The following SRGAP1 variants were observed in gnomAD, a reference collection of about 807,000 sequenced individuals.
SRGAP1 encodes SLIT-ROBO Rho GTPase-activating protein 1.
In SRGAP1, 43 loss-of-function variants were observed where a neutral mutation model predicts 121.9. The observed-to-expected ratio is 0.35, with a 90% CI of 0.28 to 0.46. The LOEUF (loss-of-function observed/expected upper bound fraction) is 0.46, where lower values mean the gene tolerates loss of function less well. SRGAP1 is among the 20% of genes least tolerant of loss of function. SRGAP1 has a pLI of 1.00. For missense variants in SRGAP1, 1,102 were observed against 1,350.9 expected (o/e 0.82, Z 2.89); for synonymous variants, 447 against 485.4 (o/e 0.92, Z 1.04).
chr12:63,926,930 A>G (rs922274952), intron 1 of SRGAP1, among the ~76,000 whole-genome samples: 1 of 152,104 alleles, frequency 6.6e-6, no homozygotes, highest in Non-Finnish European at 1.5e-5. Context: ...TGTCGATAAT[A>G]TTGAAATTAT....
intron 1 of SRGAP1, among the ~76,000 whole-genome samples, chr12:63,894,622 C>G (rs1394052209): frequency 6.6e-6 from 1 of 152,130 alleles, no homozygotes; most frequent in African/African-American, 2.4e-5. Context: ...TCCCTCCCCA[C>G]TTCCCCACCC....
At chr12:64,091,181 A>C (rs2036043918) in intron 11 of SRGAP1, 95 bp from the exon 12 acceptor site, 1 of 785,666 alleles carries the variant, frequency 1.3e-6, no homozygotes, top group Non-Finnish European at 1.8e-6. Context: ...AAGGAACCCA[A>C]GATTCCCGTG....
chr12:64,133,039 T>G (rs376628351), intron 21 of SRGAP1, among the ~76,000 whole-genome samples: 8 of 152,154 alleles, frequency 5.3e-5, no homozygotes, highest in East Asian at 3.9e-4. Context: ...CACCACTTGG[T>G]TAAGCTTACA....
chr12:64,147,614 T>C lies in SRGAP1; in HGVS notation c.*4942T>C, dbSNP rs1272718043. ...GACAGCATCGCATTCGCCCGTGCTC[T>C]GTACTGCCTCTCACCATTTCATTCC... On this transcript the variant is annotated 3_prime_UTR_variant, in exon 22 of 22. Transcript: ENST00000355086. The C allele has an allele frequency of 2.5e-6, 1 of 398,674 alleles. No homozygotes were observed. Among genetic ancestry groups the C allele is most frequent in the Non-Finnish European group, 4.4e-6 (1 of 226,124 alleles). 24.7% of individuals were successfully genotyped at this position (398,674 alleles called of 1,614,324 possible).
intron 4 of SRGAP1, among the ~76,000 whole-genome samples, chr12:64,020,961 A>AAAT (rs2034535550): frequency 6.6e-6 from 1 of 151,762 alleles, no homozygotes; most frequent in East Asian, 1.9e-4. Context: ...AAAAAAAAAA[A>AAAT]AGACCAAAGA....
rs565487703 is a variant in SRGAP1 at position 63,959,693 on chromosome 12, G to A, written c.68-24254G>A. Among the ~76,000 whole-genome samples, 84 of 107,696 alleles carry A rather than the reference G, an allele frequency of 7.8e-4. 1 individual carries two copies. The highest frequency in any genetic ancestry group is 1.8e-3 in the African/African-American group (49 of 27,982). 70.7% of individuals were successfully genotyped at this position (107,696 alleles called of 152,430 possible). On this transcript the variant is annotated intron_variant, in intron 1 of 21. Coordinates refer to ENST00000355086, the MANE Select transcript of SRGAP1 (RefSeq NM_020762.4). Reference sequence around the variant, plus strand: ...AAGTCTTCCAGTTAATAATAATTACGTTTATTGAAGATCTACACTGTATTG... The same window carrying A: ...AAGTCTTCCAGTTAATAATAATTACATTTATTGAAGATCTACACTGTATTG...
At chr12:63,918,529 A>G (rs1185334266) in intron 1 of SRGAP1, among the ~76,000 whole-genome samples, 1 of 152,054 alleles carries the variant, frequency 6.6e-6, no homozygotes, top group Non-Finnish European at 1.5e-5. Context: ...TGACCCTCCC[A>G]CATCAGTCTC....
Position 64,154,766 on chromosome 12 carries a change from A to C in SRGAP1, c.*12094A>C, listed in dbSNP as rs957273466. ...TTTCTGGCCAGAAGGTGTAAATTTG[A>C]TATTTAAAGCTATGGGACTCCCGGA... On this transcript the variant is annotated 3_prime_UTR_variant, in exon 22 of 22. Transcript: ENST00000355086. 5.9e-5 allele frequency: 9 copies of C among 152,174 alleles called. No homozygotes were observed. Among genetic ancestry groups the C allele is most frequent in the Non-Finnish European group, 1.0e-4 (7 of 68,090 alleles). 9.4% of individuals were successfully genotyped at this position (152,174 alleles called of 1,614,324 possible). A position where few individuals can be genotyped will look rare whatever the true frequency, so the allele number is the denominator to read the frequency against.
At chr12:64,032,616 C>A in intron 4 of SRGAP1, 1 of 479,612 alleles carries the variant, frequency 2.1e-6, no homozygotes, top group South Asian at 3.2e-5. Context: ...AACAAGCCCC[C>A]ACAGTCACTT....
intron 1 of SRGAP1, among the ~76,000 whole-genome samples, chr12:63,937,341 T>C (rs2031698058): frequency 6.6e-6 from 1 of 152,202 alleles, no homozygotes. Flanking sequence ...TTCATCTTGG[T>C]GACAAGTTGT....
chr12:64,014,324 A>G (rs1314355034), intron 3 of SRGAP1, among the ~76,000 whole-genome samples: 1 of 152,178 alleles, frequency 6.6e-6, no homozygotes, highest in Non-Finnish European at 1.5e-5. Context: ...ATGTAAGTGT[A>G]TGTCTGGCAG....
chr12:64,088,870 C>T (rs369008722), intron 11 of SRGAP1, among the ~76,000 whole-genome samples: 2 of 152,272 alleles, frequency 1.3e-5, no homozygotes, highest in East Asian at 1.9e-4. Context: ...TTTTTGGCTC[C>T]GTCTACAAGA....
chr12:63,981,376 C>CA (rs199894525), intron 1 of SRGAP1, among the ~76,000 whole-genome samples: 2,162 of 151,766 alleles, frequency 0.014, 68 homozygotes, highest in African/African-American at 0.048. Context: ...CAAAAACAAA[C>CA]AAAAAAAACC....
At position 64,161,533 on chromosome 12, in the gene SRGAP1, C is replaced by G. The variant is rs2037209142; in HGVS notation, c.*18861C>G. 6.6e-6 allele frequency: 1 copy of G among 151,974 alleles called. No homozygotes were observed. Among genetic ancestry groups the G allele is most frequent in the Non-Finnish European group, 1.5e-5 (1 of 67,980 alleles). The allele number at this position is 151,974 out of a possible 1,614,324, so 9.4% of individuals were successfully genotyped here. A position where few individuals can be genotyped will look rare whatever the true frequency, so the allele number is the denominator to read the frequency against. On this transcript the variant is annotated 3_prime_UTR_variant, in exon 22 of 22. Transcript: ENST00000355086. ...TGTTCATTTTTTTATAGAATCCTGT[C>G]CTTATTTGACAGGTCCTATATATTT...
At chr12:63,946,119 C>A (rs2032037825) in intron 1 of SRGAP1, among the ~76,000 whole-genome samples, 15 of 152,134 alleles carry the variant, frequency 9.9e-5, no homozygotes, top group Admixed American at 9.8e-4. Flanking sequence ...CCTCAGTGTT[C>A]TTTTTCTCTA....
intron 1 of SRGAP1, among the ~76,000 whole-genome samples, chr12:63,851,555 G>A (rs984952576): frequency 8.6e-5 from 13 of 151,390 alleles, no homozygotes; most frequent in African/African-American, 2.7e-4. Context: ...GATAATAGTA[G>A]TACTTACCTT....
At chr12:63,951,093 A>G (rs1038054093) in intron 1 of SRGAP1, among the ~76,000 whole-genome samples, 2 of 147,852 alleles carry the variant, frequency 1.4e-5, no homozygotes, top group African/African-American at 5.0e-5. Context: ...TGAGTACCTG[A>G]CACATAGTAA....
At chr12:63,978,490 A>G (rs2033153373) in intron 1 of SRGAP1, among the ~76,000 whole-genome samples, 2 of 152,164 alleles carry the variant, frequency 1.3e-5, no homozygotes, top group South Asian at 2.1e-4. Context: ...GGTTTCACTC[A>G]CTAAAGTTAT....
At chr12:63,978,326 ATT>A (rs1451197329) in intron 1 of SRGAP1, among the ~76,000 whole-genome samples, 1 of 152,156 alleles carries the variant, frequency 6.6e-6, no homozygotes, top group Non-Finnish European at 1.5e-5. Context: ...CATCATTTTT[ATT>A]ACCCTATAAA....
Sources: gnomAD v4.1 joint callset for allele counts (sites outside exome capture counted in the v4.1 genomes callset) on GRCh38, gnomAD v4.1.1 for gene constraint, MANE v1.5 for transcripts, NCBI Gene and HGNC (gene_info 2026-07-23, HGNC 2026-07-21) for gene names.